GABRG2: variants seen among roughly 807,000 people sequenced by gnomAD.
GABRG2 encodes the protein gamma-aminobutyric acid type A receptor subunit gamma2.
Under a neutral mutation model 56.4 loss-of-function variants are expected in GABRG2, and 16 were observed. The observed-to-expected ratio is 0.28, with a 90% CI of 0.19 to 0.43. The LOEUF (loss-of-function observed/expected upper bound fraction) is 0.43. Among genes scored for constraint, GABRG2 ranks in the 20% least tolerant of loss-of-function variants. GABRG2 has a pLI of 1.00. For missense variants in GABRG2, 327 were observed against 582.7 expected (o/e 0.56, Z 4.52); for synonymous variants, 208 against 205.5 (o/e 1.01, Z -0.10).
At chr5:162,070,493 G>A (rs1480254889) in intron 1 of GABRG2, among the ~76,000 whole-genome samples, 1 of 151,840 alleles carries the variant, frequency 6.6e-6, no homozygotes. Flanking sequence ...TAATACTTTT[G>A]TGGTAGACAG....
intron 8 of GABRG2, chr5:162,149,532 A>G (rs750171726): frequency 1.3e-6 from 1 of 755,716 alleles, no homozygotes; most frequent in South Asian, 1.4e-5. Context: ...TCTTATGCAA[A>G]TATAATTACC....
At chr5:162,144,941 A>G (rs76691350) in intron 7 of GABRG2, among the ~76,000 whole-genome samples, 7,738 of 152,258 alleles carry the variant, frequency 0.051, 244 homozygotes, top group Middle Eastern at 0.078. Context: ...CTAGAACGTG[A>G]CTTAGGAGTT....
At chr5:162,094,086 T>C (rs1308276362) in intron 2 of GABRG2, 107 bp downstream of exon 2, 5 of 1,257,484 alleles carry the variant, frequency 4.0e-6, no homozygotes, top group African/African-American at 3.0e-5. Flanking sequence ...ATTTAAATTA[T>C]ACTTTTTTAT....
intron 6 of GABRG2, among the ~76,000 whole-genome samples, chr5:162,117,048 A>G (rs1323018122): frequency 6.6e-6 from 1 of 152,206 alleles, no homozygotes; most frequent in African/African-American, 2.4e-5. Context: ...TATCCTCTCA[A>G]AAAGAGATTG....
At chr5:162,149,790 T>G (rs1293450868) in intron 8 of GABRG2, 1 of 374,306 alleles carries the variant, frequency 2.7e-6, no homozygotes, top group Non-Finnish European at 5.2e-6. Flanking sequence ...ATTTTTGTAT[T>G]TTTAGTACAG....
chr5:162,112,128 G>C (rs210983), intron 6 of GABRG2, among the ~76,000 whole-genome samples: 104,955 of 151,922 alleles, frequency 0.69, 36,346 homozygotes, highest in Admixed American at 0.76. Context: ...CAGTGTATTT[G>C]TGAAAACTTG....
chr5:162,074,599 T>C (rs557912621), intron 1 of GABRG2, among the ~76,000 whole-genome samples: 2 of 152,198 alleles, frequency 1.3e-5, no homozygotes, highest in African/African-American at 2.4e-5. Context: ...ATAATCTTGA[T>C]AGGAAAAAAT....
At chr5:162,152,981 C>A (rs953242825) in intron 9 of GABRG2, 112 bp from the exon 10 acceptor site, 85 of 1,253,698 alleles carry the variant, frequency 6.8e-5, no homozygotes, top group Non-Finnish European at 9.1e-5. Flanking sequence ...ATAGCAATTT[C>A]CTGAGTACCC....
intron 1 of GABRG2, among the ~76,000 whole-genome samples, chr5:162,072,257 A>G (rs1396298957): frequency 6.6e-6 from 1 of 151,938 alleles, no homozygotes; most frequent in East Asian, 1.9e-4. Context: ...TATAAATATT[A>G]TGTTACTAGG....
Position 162,093,812 on chromosome 5 carries a change from A to G in GABRG2, c.108-16A>G. 1.2e-6 allele frequency: 2 copies of G among 1,611,802 alleles called. No homozygotes were observed. Among genetic ancestry groups the G allele is most frequent in the African/African-American group, 1.3e-5 (1 of 74,930 alleles). On this transcript the variant is annotated splice_polypyrimidine_tract_variant and intron_variant, in intron 1 of 9. Coordinates refer to ENST00000639213, the MANE Select transcript of GABRG2 (RefSeq NM_198904.4). Reference sequence around the variant, plus strand: ...GTGTAATCTATGTGTTTTTTGACCAATATGTTTTTTCTTAGCTTCACTAGC... The same window carrying G: ...GTGTAATCTATGTGTTTTTTGACCAGTATGTTTTTTCTTAGCTTCACTAGC...
intron 4 of GABRG2, chr5:162,099,168 G>C (rs182265273): frequency 1.3e-5 from 2 of 152,148 alleles, no homozygotes; most frequent in Admixed American, 1.3e-4. Context: ...TCAGTTATTA[G>C]AAAAAGCCAC....
At chr5:162,112,725 A>C (rs1178733647) in intron 6 of GABRG2, among the ~76,000 whole-genome samples, 1 of 152,154 alleles carries the variant, frequency 6.6e-6, no homozygotes, top group Non-Finnish European at 1.5e-5. Flanking sequence ...CATTCTAGAA[A>C]AGAATTTGCT....
intron 6 of GABRG2, among the ~76,000 whole-genome samples, chr5:162,130,843 C>T (rs764171172): frequency 6.6e-6 from 1 of 152,002 alleles, no homozygotes; most frequent in East Asian, 1.9e-4. Flanking sequence ...GTAGAGCATA[C>T]ACTTGCTTGG....
intron 1 of GABRG2, among the ~76,000 whole-genome samples, chr5:162,092,519 A>G (rs1292801186): frequency 3.3e-5 from 5 of 152,176 alleles, no homozygotes; most frequent in African/African-American, 1.2e-4. Context: ...TGCAATATTT[A>G]GTCATCAAGA....
At chr5:162,087,382 C>T (rs76862095) in intron 1 of GABRG2, among the ~76,000 whole-genome samples, 2,252 of 152,122 alleles carry the variant, frequency 0.015, 32 homozygotes, top group Non-Finnish European at 0.022. Flanking sequence ...CATTCTCTAG[C>T]CACTGATATC....
At chr5:162,077,172 C>T (rs949908140) in intron 1 of GABRG2, among the ~76,000 whole-genome samples, 14 of 151,656 alleles carry the variant, frequency 9.2e-5, no homozygotes, top group African/African-American at 3.2e-4. Context: ...TTCTTCTTCT[C>T]TCCAATCCCT....
chr5:162,097,325 A>G (rs1761069923), intron 3 of GABRG2, among the ~76,000 whole-genome samples: 3 of 152,182 alleles, frequency 2.0e-5, no homozygotes, highest in Non-Finnish European at 4.4e-5. Context: ...CCTCATGGCA[A>G]GAAACTAGCT....
At chr5:162,129,627 G>C (rs540980384) in intron 6 of GABRG2, among the ~76,000 whole-genome samples, 1 of 151,474 alleles carries the variant, frequency 6.6e-6, no homozygotes, top group Admixed American at 6.6e-5. Flanking sequence ...TTTCATCTGC[G>C]AAAAAAACAG....
At chr5:162,139,830 C>T (rs369685281) in intron 6 of GABRG2, among the ~76,000 whole-genome samples, 1 of 152,020 alleles carries the variant, frequency 6.6e-6, no homozygotes, top group East Asian at 1.9e-4. Flanking sequence ...AGAAAAGGTA[C>T]CCCTGAATAT....
Sources: allele counts gnomAD v4.1 joint callset (sites outside exome capture counted in the v4.1 genomes callset), GRCh38; gene constraint gnomAD v4.1.1; transcripts MANE v1.5; gene names NCBI Gene and HGNC (gene_info 2026-07-23, HGNC 2026-07-21).